Variants in SHISA6 observed in about 807,000 individuals in gnomAD.
SHISA6 encodes protein shisa-6.
SHISA6 carries 22 observed loss-of-function variants against 47.9 expected under a neutral mutation model. The ratio of observed to expected loss-of-function variants is 0.46; its 90% confidence interval spans 0.33 to 0.66. The LOEUF is 0.66. Ranked by LOEUF, SHISA6 falls within the 30% of genes least tolerant of loss-of-function variation. The pLI is 0.02. For missense variants in SHISA6, 680 were observed against 764.6 expected (o/e 0.89, Z 1.30); for synonymous variants, 388 against 337.8 (o/e 1.15, Z -1.63).
chr17:11,459,984 A>G (rs1474424186), intron 3 of SHISA6, among the ~76,000 whole-genome samples: 1 of 152,244 alleles, frequency 6.6e-6, no homozygotes, highest in African/African-American at 2.4e-5. Flanking sequence ...CCTCAGCTGC[A>G]GAGGTCTCAG....
In SHISA6 at chr17:11,558,132, T is replaced by C. The variant is rs1197936861; in HGVS notation, c.1484T>C (p.Met495Thr). ...PVLDRYRMSK[M>T]HSHPSASNNS... ...CTGGACCGCTACCGCATGAGCAAGA[T>C]GCACTCTCATCCCAGTGCCTCCAAT... is the stretch of plus-strand genomic sequence containing the variant. The change falls in exon 6 of 6, where the codon ATG (methionine) becomes ACG (threonine). Residue 495 changes from methionine to threonine, a missense_variant. Physicochemically the swap from Met to Thr is moderately conservative, Grantham distance 81. Around this residue, in one of 2 missense-constraint regions of SHISA6, gnomAD observed 559 missense variants for 674.1 expected, o/e 0.83. Transcript: ENST00000441885. The C allele has an allele frequency of 6.4e-7, 1 of 1,551,118 alleles. No individual in the cohort carries two copies. The highest frequency in any genetic ancestry group is 2.0e-5 in the Admixed American group (1 of 51,008).
chr17:11,509,638 C>A (rs953471134), intron 3 of SHISA6, among the ~76,000 whole-genome samples: 1 of 152,202 alleles, frequency 6.6e-6, no homozygotes, highest in African/African-American at 2.4e-5. Context: ...AACTGAAGGT[C>A]TTTTGAGTTG....
chr17:11,551,060 A>G (rs1036505529), intron 3 of SHISA6, among the ~76,000 whole-genome samples: 1 of 152,238 alleles, frequency 6.6e-6, no homozygotes, highest in Non-Finnish European at 1.5e-5. Flanking sequence ...CAAAGGCCTC[A>G]TGCCTCCTCT....
intron 2 of SHISA6, among the ~76,000 whole-genome samples, chr17:11,378,278 T>C (rs1912880422): frequency 6.6e-6 from 1 of 152,240 alleles, no homozygotes; most frequent in Non-Finnish European, 1.5e-5. Context: ...CTCGTGTTCC[T>C]ACTATCCAAA....
intron 3 of SHISA6, among the ~76,000 whole-genome samples, chr17:11,482,527 T>C (rs1916248338): frequency 6.6e-6 from 1 of 152,200 alleles, no homozygotes; most frequent in South Asian, 2.1e-4. Context: ...GAAAAAAAAT[T>C]ACACTAACAT....
chr17:11,334,596 C>T (rs1368280207), intron 2 of SHISA6, among the ~76,000 whole-genome samples: 1 of 152,194 alleles, frequency 6.6e-6, no homozygotes, highest in South Asian at 2.1e-4. Context: ...GGCTGGAGTC[C>T]TGGCCACAAT....
chr17:11,481,707 G>A (rs928253470), intron 3 of SHISA6, among the ~76,000 whole-genome samples: 1 of 151,854 alleles, frequency 6.6e-6, no homozygotes, highest in African/African-American at 2.4e-5. Context: ...TGATCAGGCT[G>A]GTCTCGAACT....
intron 3 of SHISA6, among the ~76,000 whole-genome samples, chr17:11,497,063 G>C (rs982009085): frequency 6.6e-6 from 1 of 152,170 alleles, no homozygotes; most frequent in African/African-American, 2.4e-5. Flanking sequence ...ACACTGTAGT[G>C]GGGGGACCCC....
chr17:11,512,934 C>T (rs2071553191), intron 3 of SHISA6, among the ~76,000 whole-genome samples: 1 of 151,970 alleles, frequency 6.6e-6, no homozygotes, highest in Non-Finnish European at 1.5e-5. Context: ...TTGGTATTAT[C>T]CACAATTTTG....
chr17:11,254,169 A>G (rs900679678), intron 1 of SHISA6, among the ~76,000 whole-genome samples: 1 of 152,188 alleles, frequency 6.6e-6, no homozygotes, highest in Admixed American at 6.5e-5. Context: ...GTTGTCATCC[A>G]TCTTTCCCTG....
At chr17:11,388,839 T>TATATATA (rs1555532195) in intron 3 of SHISA6, among the ~76,000 whole-genome samples, 21 of 102,278 alleles carry the variant, frequency 2.1e-4, no homozygotes, top group African/African-American at 9.1e-4. Flanking sequence ...TATATATATA[T>TATATATA]ATTTTAAAAA....
At chr17:11,249,668 C>T (rs1201501505) in intron 1 of SHISA6, among the ~76,000 whole-genome samples, 3 of 152,176 alleles carry the variant, frequency 2.0e-5, no homozygotes, top group Admixed American at 1.3e-4. Flanking sequence ...CGGTCCCTCT[C>T]TTGAAAGTAC....
At chr17:11,388,588 A>G (rs1048032686) in intron 3 of SHISA6, among the ~76,000 whole-genome samples, 1 of 151,354 alleles carries the variant, frequency 6.6e-6, no homozygotes, top group African/African-American at 2.4e-5. Context: ...GTTTCCCATG[A>G]CCCTGGTTAG....
intron 3 of SHISA6, among the ~76,000 whole-genome samples, chr17:11,384,551 C>T (rs1913131447): frequency 6.6e-6 from 1 of 152,184 alleles, no homozygotes; most frequent in South Asian, 2.1e-4. Flanking sequence ...TTGAAAAAGC[C>T]AGAGAATTCT....
At position 11,557,978 on chromosome 17, in the gene SHISA6, G is replaced by A. The variant is rs775370703; in HGVS notation, c.1330G>A (p.Glu444Lys). Residue 444 changes from glutamate to lysine, a missense_variant, in exon 6 of 6, where the codon GAG (glutamate) becomes AAG (lysine). Glu to Lys is a moderately conservative substitution (Grantham distance 56, BLOSUM62 1). This residue lies in a region of SHISA6 where 559 missense variants were observed against 674.1 expected (regional missense o/e 0.83). Coordinates refer to ENST00000441885, the MANE Select transcript of SHISA6 (RefSeq NM_207386.4). Reference sequence around the variant, plus strand: ...GCCCTACGACCGCATCCTGTCCGACGAGCAGCTGCTCTCCACGGAGCGCCT... The same window carrying A: ...GCCCTACGACCGCATCCTGTCCGACAAGCAGCTGCTCTCCACGGAGCGCCT... ...SMPYDRILSD[E>K]QLLSTERLHS... 31 of 1,551,392 alleles carry A rather than the reference G, an allele frequency of 2.0e-5. No homozygotes were observed. The highest frequency in any genetic ancestry group is 5.9e-5 in the Admixed American group (3 of 50,978).
chr17:11,440,579 A>G (rs1248387264), intron 3 of SHISA6, among the ~76,000 whole-genome samples: 1 of 149,696 alleles, frequency 6.7e-6, no homozygotes, highest in Non-Finnish European at 1.5e-5. Context: ...GGTTTGGACA[A>G]GCCCTCATTT....
At chr17:11,452,487 G>A (rs1359552488) in intron 3 of SHISA6, among the ~76,000 whole-genome samples, 1 of 152,120 alleles carries the variant, frequency 6.6e-6, no homozygotes, top group Non-Finnish European at 1.5e-5. Flanking sequence ...TGACTCAGTG[G>A]ATCACCACCT....
intron 2 of SHISA6, among the ~76,000 whole-genome samples, chr17:11,360,265 A>G (rs1035567997): frequency 5.3e-5 from 8 of 152,200 alleles, no homozygotes; most frequent in Non-Finnish European, 1.0e-4. Context: ...GAGTTGAACA[A>G]TGAGAACACA....
intron 1 of SHISA6, among the ~76,000 whole-genome samples, chr17:11,251,896 G>T (rs1907825344): frequency 6.6e-6 from 1 of 152,156 alleles, no homozygotes; most frequent in African/African-American, 2.4e-5. Flanking sequence ...ACGCCTCAAG[G>T]TCCGGTTGTC....
Sources: allele counts gnomAD v4.1 joint callset (sites outside exome capture counted in the v4.1 genomes callset), GRCh38; gene constraint gnomAD v4.1.1; regional missense constraint gnomAD v4.1.1; transcripts MANE v1.5; gene names NCBI Gene and HGNC (gene_info 2026-07-23, HGNC 2026-07-21).